Variants in ACACB observed in about 807,000 individuals in gnomAD.
ACACB encodes acetyl-CoA carboxylase 2.
Under a neutral mutation model 278.8 loss-of-function variants are expected in ACACB, and 209 were observed. That is an observed-to-expected ratio of 0.75 (90% confidence interval 0.67 to 0.84). The LOEUF is 0.84. ACACB is among the 40% of genes least tolerant of loss of function. The pLI is 0.00. For missense variants in ACACB, 2,850 were observed against 3,269.0 expected (o/e 0.87, Z 3.13); for synonymous variants, 1,174 against 1,285.6 (o/e 0.91, Z 1.86).
At chr12:109,146,131 C>G (rs2043238503) in intron 2 of ACACB, among the ~76,000 whole-genome samples, 1 of 152,226 alleles carries the variant, frequency 6.6e-6, no homozygotes, top group African/African-American at 2.4e-5. Context: ...GAGGTTTAAG[C>G]TAGTCCTTCC....
At position 109,210,452 on chromosome 12, in the gene ACACB, T is replaced by C. The variant is rs1225838086; in HGVS notation, c.3249+1099T>C. On this transcript the variant is annotated intron_variant, in intron 21 of 52. Transcript: ENST00000338432. Reference sequence around the variant, plus strand: ...ATATACACGCACATACATGTGTATATATGTATATATACGCACATACATGTG... The same window carrying C: ...ATATACACGCACATACATGTGTATACATGTATATATACGCACATACATGTG... Among the ~76,000 whole-genome samples, 5 of 143,340 alleles carry C rather than the reference T, an allele frequency of 3.5e-5. 1 individual carries two copies. The highest frequency in any genetic ancestry group is 1.3e-4 in the African/African-American group (5 of 39,254). The allele number at this position is 143,340 out of a possible 152,430, so 94.0% of individuals were successfully genotyped here.
Position 109,223,979 on chromosome 12 carries a change from C to T in ACACB, c.3882+75C>T. On this transcript the variant is annotated intron_variant, in intron 27 of 52. Coordinates refer to ENST00000338432, the MANE Select transcript of ACACB (RefSeq NM_001093.4). ...TTCACTGCCGCTACCATGCACCTGA[C>T]CCTAGGCCACATGCCTTGGTGAATG... 6 of 1,239,360 alleles carry T rather than the reference C, an allele frequency of 4.8e-6. No homozygotes were observed. The Admixed American group carries it at 8.5e-5, about 18-fold the overall frequency. The allele number at this position is 1,239,360 out of a possible 1,614,324, so 76.8% of individuals were successfully genotyped here.
intron 2 of ACACB, among the ~76,000 whole-genome samples, chr12:109,162,615 G>A (rs1337661654): frequency 6.6e-6 from 1 of 152,152 alleles, no homozygotes; most frequent in Non-Finnish European, 1.5e-5. Flanking sequence ...AGGGCATGGG[G>A]CCTGTATCCC....
intron 10 of ACACB, 73 bp downstream of exon 10, chr12:109,179,370 C>A: frequency 1.3e-6 from 2 of 1,483,520 alleles, no homozygotes; most frequent in Non-Finnish European, 9.2e-7. Flanking sequence ...GAACTTTCTA[C>A]GGTCAGTGTG....
intron 2 of ACACB, among the ~76,000 whole-genome samples, chr12:109,160,816 A>G (rs762021781): frequency 6.6e-6 from 1 of 152,174 alleles, no homozygotes; most frequent in Non-Finnish European, 1.5e-5. Flanking sequence ...AGCCTGCGGT[A>G]ATGGGCTTGT....
At chr12:109,247,961 A>G (rs2046994139) in intron 40 of ACACB, among the ~76,000 whole-genome samples, 1 of 152,238 alleles carries the variant, frequency 6.6e-6, no homozygotes, top group Non-Finnish European at 1.5e-5. Context: ...GATTCTCGTG[A>G]ATCTCCTAGG....
chr12:109,135,808 CTTTTTTTT>C (rs59597788), intron 1 of ACACB, among the ~76,000 whole-genome samples: 1 of 117,272 alleles, frequency 8.5e-6, no homozygotes. Context: ...AGAGGTAATA[CTTTTTTTT>C]TTTTTTTTTT....
chr12:109,140,657 A>C (rs756527981), intron 2 of ACACB, among the ~76,000 whole-genome samples: 2 of 152,118 alleles, frequency 1.3e-5, no homozygotes, highest in Non-Finnish European at 2.9e-5. Flanking sequence ...ACCTTGTCTC[A>C]AAAAAGGAAA....
chr12:109,201,827 C>A, intron 19 of ACACB, 126 bp downstream of exon 19: 1 of 1,311,440 alleles, frequency 7.6e-7, no homozygotes, highest in Non-Finnish European at 1.0e-6. Context: ...AGACAGAGCT[C>A]GTCGCAGCAG....
At chr12:109,150,620 G>T (rs1056994230) in intron 2 of ACACB, among the ~76,000 whole-genome samples, 12 of 152,186 alleles carry the variant, frequency 7.9e-5, no homozygotes, top group African/African-American at 2.2e-4. Context: ...GGCCCTGCAG[G>T]CAAAGGTAGG....
intron 13 of ACACB, 53 bp downstream of exon 13, chr12:109,188,215 TTCCTTCC>T: frequency 7.2e-7 from 1 of 1,397,756 alleles, no homozygotes; most frequent in East Asian, 2.4e-5. Context: ...CCTTCCTTCC[TTCCTTCC>T]TTCCTTCCTT....
intron 39 of ACACB, 57 bp from the exon 40 acceptor site, chr12:109,247,549 A>AG (rs1452430669): frequency 7.7e-7 from 1 of 1,305,366 alleles, no homozygotes; most frequent in Non-Finnish European, 1.1e-6. Context: ...GAAAAAAAAA[A>AG]CAGTGGCTTT....
At chr12:109,178,833 CTCGAGCAGTTGT>C (rs2044360703) in intron 9 of ACACB, among the ~76,000 whole-genome samples, 1 of 152,192 alleles carries the variant, frequency 6.6e-6, no homozygotes, top group African/African-American at 2.4e-5. Context: ...TTAGCCATCT[CTCGAGCAGTTGT>C]TCATTGTTCT....
At chr12:109,142,116 G>C (rs570615828) in intron 2 of ACACB, among the ~76,000 whole-genome samples, 26 of 152,192 alleles carry the variant, frequency 1.7e-4, no homozygotes, top group Non-Finnish European at 3.1e-4. Flanking sequence ...AGACATTGTG[G>C]TGCATACCTA....
chr12:109,166,480 G>A (rs73398008), intron 2 of ACACB, among the ~76,000 whole-genome samples: 2,669 of 150,358 alleles, frequency 0.018, 81 homozygotes, highest in African/African-American at 0.062. Context: ...TCAAGAGTTT[G>A]GACGAGCCTG....
intron 27 of ACACB, among the ~76,000 whole-genome samples, chr12:109,224,920 C>G (rs1366672737): frequency 6.6e-6 from 1 of 152,182 alleles, no homozygotes; most frequent in African/African-American, 2.4e-5. Flanking sequence ...GAGTCTCAGT[C>G]CCCTGTTGCC....
rs143707785 is a variant in ACACB at position 109,252,946 on chromosome 12, A to G, written c.5902-69A>G. The G allele has an allele frequency of 2.2e-4, 301 of 1,398,210 alleles. 1 individual carries two copies. In the African/African-American group the frequency reaches 3.9e-3, roughly 18 times the overall value. 86.6% of individuals were successfully genotyped at this position (1,398,210 alleles called of 1,614,324 possible). A position where few individuals can be genotyped will look rare whatever the true frequency, so the allele number is the denominator to read the frequency against. On this transcript the variant is annotated intron_variant, in intron 42 of 52. Coordinates refer to ENST00000338432, the MANE Select transcript of ACACB (RefSeq NM_001093.4). ...GTAGCCAGGATTGAGAAGCACTGAG[A>G]TGATTTCCAAACAGGTGGTAGAGCC...
intron 9 of ACACB, 135 bp downstream of exon 9, chr12:109,176,398 T>G (rs2044284684): frequency 1.2e-6 from 1 of 815,370 alleles, no homozygotes; most frequent in Non-Finnish European, 2.0e-6. Context: ...TTGTATCGTA[T>G]TTTGCAACAA....
chr12:109,167,015 C>T, intron 3 of ACACB, 22 bp downstream of exon 3: 1 of 1,613,686 alleles, frequency 6.2e-7, no homozygotes, highest in Non-Finnish European at 8.5e-7. Context: ...TCTCGGCACT[C>T]TGGGTGGGGT....
Sources: allele counts gnomAD v4.1 joint callset (sites outside exome capture counted in the v4.1 genomes callset), GRCh38; gene constraint gnomAD v4.1.1; transcripts MANE v1.5; gene names NCBI Gene and HGNC (gene_info 2026-07-23, HGNC 2026-07-21).